Variants in EXPH5 observed in about 807,000 individuals in gnomAD.
The protein encoded by EXPH5 is exophilin-5.
EXPH5 carries 42 observed loss-of-function variants against 41.1 expected under a neutral mutation model. The observed-to-expected ratio is 1.02, with a 90% CI of 0.80 to 1.32. EXPH5 has a LOEUF of 1.32. EXPH5 is among the 40% of genes most tolerant of loss of function. The probability of loss-of-function intolerance (pLI) is 0.00; values close to 1 mark genes in which losing one functional copy is unlikely to be tolerated. For missense variants in EXPH5, 2,298 were observed against 2,314.5 expected, an observed-to-expected ratio of 0.99 and a Z score of 0.15; for synonymous variants, 798 against 833.5, an observed-to-expected ratio of 0.96 and a Z score of 0.73.
chr11:108,555,084 G>A (rs1437735418), intron 1 of EXPH5, among the ~76,000 whole-genome samples: 1 of 152,172 alleles, frequency 6.6e-6, no homozygotes, highest in Non-Finnish European at 1.5e-5. Flanking sequence ...GAAACTGCAG[G>A]GCAGATGTTC....
chr11:108,564,916 T>TTTTC (rs2094028200), intron 1 of EXPH5, among the ~76,000 whole-genome samples: 1 of 149,862 alleles, frequency 6.7e-6, no homozygotes, highest in African/African-American at 2.5e-5. Flanking sequence ...TTTTTTTTTT[T>TTTTC]TTTTTAAGAT....
rs745803304 is a variant in EXPH5 at position 108,511,496 on chromosome 11, C to G, written c.4011G>C (p.Arg1337Ser). ...ENMTAFRLSN[R>S]GPLAPTLQEM... ...CCTGTAATGTAGGAGCTAGGGGCCC[C>G]CTATTTGATAATCGGAAGGCAGTCA... Residue 1337 changes from arginine to serine, a missense_variant, in exon 6 of 6, where the codon AGG becomes AGC. Physicochemically the swap from Arg to Ser is moderately radical, Grantham distance 110 (BLOSUM62 -1). Coordinates refer to ENST00000265843, the MANE Select transcript of EXPH5 (RefSeq NM_015065.3). 2 of 1,590,268 alleles carry G rather than the reference C, an allele frequency of 1.3e-6. No homozygotes were observed. The highest frequency in any genetic ancestry group is 1.7e-6 in the Non-Finnish European group (2 of 1,171,546).
chr11:108,602,417 C>A, the EXPH5 span, among the ~76,000 whole-genome samples: 3 of 152,210 alleles, frequency 2.0e-5, no homozygotes, highest in Non-Finnish European at 4.4e-5. Flanking sequence ...ATCTCCTACA[C>A]CTCTCTTTTT....
intron 4 of EXPH5, among the ~76,000 whole-genome samples, chr11:108,520,541 T>A (rs2093758472): frequency 6.7e-6 from 1 of 149,626 alleles, no homozygotes; most frequent in African/African-American, 2.5e-5. Context: ...AAATTTGTTT[T>A]CCTTTATTAT....
intron 1 of EXPH5, among the ~76,000 whole-genome samples, chr11:108,583,226 C>CA (rs545070559): frequency 6.6e-6 from 1 of 151,734 alleles, no homozygotes; most frequent in South Asian, 2.1e-4. Flanking sequence ...ACTAAAAATA[C>CA]AAAAAATTAG....
intron 1 of EXPH5, among the ~76,000 whole-genome samples, chr11:108,565,662 G>A (rs1277980240): frequency 6.6e-6 from 1 of 152,218 alleles, no homozygotes; most frequent in Non-Finnish European, 1.5e-5. Context: ...GGCCTGTGGT[G>A]TGGATAATCA....
In EXPH5 at chr11:108,511,204, T is replaced by C. The variant is rs1210673067; in HGVS notation, c.4303A>G (p.Ile1435Val). Residue 1435 changes from isoleucine (I) to valine (V), a missense_variant, in exon 6 of 6, where the codon ATT becomes GTT. Transcript: ENST00000265843. ...SSLPALSEVN[I>V]GNSQTRRSSW... ...CTTCTTCTAGTTTGGGAATTTCCAATATTAACTTCTGAAAGAGCTGGAAGA... is the reference window on the plus strand; with the variant it reads ...CTTCTTCTAGTTTGGGAATTTCCAACATTAACTTCTGAAAGAGCTGGAAGA... 1.2e-6 allele frequency: 2 copies of C among 1,613,240 alleles called. No homozygotes were observed. The highest frequency in any genetic ancestry group is 1.7e-6 in the Non-Finnish European group (2 of 1,179,872).
intron 4 of EXPH5, among the ~76,000 whole-genome samples, chr11:108,518,676 T>C (rs1382784834): frequency 6.6e-6 from 1 of 152,180 alleles, no homozygotes; most frequent in African/African-American, 2.4e-5. Flanking sequence ...TCAGGGCAAC[T>C]CCATCTCGAA....
At chr11:108,558,392 C>T (rs543725274) in intron 1 of EXPH5, among the ~76,000 whole-genome samples, 1 of 152,342 alleles carries the variant, frequency 6.6e-6, no homozygotes, top group African/African-American at 2.4e-5. Flanking sequence ...TCAGACTTCC[C>T]ACTTTTTGTG....
chr11:108,553,088 C>G (rs771452312), intron 1 of EXPH5, among the ~76,000 whole-genome samples: 6 of 151,768 alleles, frequency 4.0e-5, no homozygotes, highest in Non-Finnish European at 7.4e-5. Flanking sequence ...ATCCCAGCTA[C>G]CTGGGGAGGC....
At chr11:108,538,876 T>C (rs1314505957) in intron 3 of EXPH5, 148 bp downstream of exon 3, 1 of 657,486 alleles carries the variant, frequency 1.5e-6, no homozygotes, top group African/African-American at 1.8e-5. Context: ...TTTGTCACTA[T>C]GCAAGTTAAG....
chr11:108,517,523 G>A (rs1289396948), intron 5 of EXPH5, among the ~76,000 whole-genome samples: 1 of 152,188 alleles, frequency 6.6e-6, no homozygotes, highest in Non-Finnish European at 1.5e-5. Flanking sequence ...CTTTTCAAAT[G>A]GCCGGGCTTA....
In EXPH5 at chr11:108,509,719, G is replaced by T. The variant is rs1459869393; in HGVS notation, c.5788C>A (p.Pro1930Thr). 1 of 1,609,720 alleles carries T rather than the reference G, an allele frequency of 6.2e-7. No homozygotes were observed. Among genetic ancestry groups the T allele is most frequent in the African/African-American group, 1.3e-5 (1 of 74,620 alleles). ...GFLKDDLRNP[P>T]NPSESLSSNS... is the part of the protein sequence containing the mutation. ...GAGCTTAATGACTCTGAGGGGTTGG[G>T]AGGGTTCCTCAAATCATCTTTTAGG... is the stretch of plus-strand genomic sequence containing the variant. Residue 1930 changes from proline (P) to threonine (T), a missense_variant, in exon 6 of 6, where the codon CCC becomes ACC. Pro to Thr is a conservative substitution (Grantham distance 38). Transcript: ENST00000265843.
intron 3 of EXPH5, among the ~76,000 whole-genome samples, chr11:108,537,021 G>A (rs1273785493): frequency 2.0e-5 from 3 of 152,164 alleles, no homozygotes; most frequent in African/African-American, 4.8e-5. Context: ...CAGGGTGCTC[G>A]TAGGTAAGGA....
intron 1 of EXPH5, among the ~76,000 whole-genome samples, chr11:108,575,805 C>G (rs2094077733): frequency 6.6e-6 from 1 of 152,098 alleles, no homozygotes; most frequent in African/African-American, 2.4e-5. Context: ...AAAAACCCAT[C>G]TCTACTAAAA....
At chr11:108,529,408 C>T (rs955350493) in intron 3 of EXPH5, among the ~76,000 whole-genome samples, 7 of 152,160 alleles carry the variant, frequency 4.6e-5, no homozygotes, top group African/African-American at 1.4e-4. Context: ...TCTCAGTACA[C>T]TGTGGCCTCG....
chr11:108,543,497 G>A (rs967666895), intron 1 of EXPH5, among the ~76,000 whole-genome samples: 1 of 152,190 alleles, frequency 6.6e-6, no homozygotes, highest in Non-Finnish European at 1.5e-5. Context: ...CATGTTGTTG[G>A]GTTCCAACCT....
Position 108,512,157 on chromosome 11 carries a change from A to C in EXPH5, c.3350T>G (p.Phe1117Cys). The C allele has an allele frequency of 1.9e-6, 3 of 1,612,880 alleles. 1 individual carries two copies. The South Asian group carries it at 3.3e-5, about 18-fold the overall frequency. The change falls in exon 6 of 6, where the codon TTC (phenylalanine) becomes TGC (cysteine). Residue 1117 changes from phenylalanine to cysteine, a missense_variant. Physicochemically the swap from Phe to Cys is radical, Grantham distance 205. Coordinates refer to ENST00000265843, the MANE Select transcript of EXPH5 (RefSeq NM_015065.3). ...ACATGACATAGCCCTGTTGATGAGG[A>C]ATGGAAGTGGTCCTTTTCTAACGGA... ...STSVRKGPLPFLINRAMSCPS... is the reference protein window; with the variant it reads ...STSVRKGPLPCLINRAMSCPS...
intron 4 of EXPH5, among the ~76,000 whole-genome samples, chr11:108,519,467 C>T (rs1565787787): frequency 6.6e-6 from 1 of 152,142 alleles, no homozygotes; most frequent in African/African-American, 2.4e-5. Flanking sequence ...GTGAACTTGG[C>T]CGCGTGCAGT....
Sources: gnomAD v4.1 joint callset for allele counts (sites outside exome capture counted in the v4.1 genomes callset) on GRCh38, gnomAD v4.1.1 for gene constraint, MANE v1.5 for transcripts, NCBI Gene and HGNC (gene_info 2026-07-23, HGNC 2026-07-21) for gene names.